The following CDKAL1 variants were observed in gnomAD, a reference collection of about 807,000 sequenced individuals.
CDKAL1 encodes the protein CDKAL1 threonylcarbamoyladenosine tRNA methylthiotransferase.
In CDKAL1, 32 loss-of-function variants were observed where a neutral mutation model predicts 68.2. The ratio of observed to expected loss-of-function variants is 0.47; its 90% CI spans 0.35 to 0.63. The LOEUF (loss-of-function observed/expected upper bound fraction) is 0.63. Among genes scored for constraint, CDKAL1 ranks in the 30% least tolerant of loss-of-function variants. CDKAL1 has a pLI of 0.00. For synonymous variants in CDKAL1, 234 were observed against 244.3 expected, an observed-to-expected ratio of 0.96 and a Z score of 0.39; for missense variants, 606 against 696.7, an observed-to-expected ratio of 0.87 and a Z score of 1.47.
intron 9 of CDKAL1, among the ~76,000 whole-genome samples, chr6:20,925,103 C>G (rs922009873): frequency 2.0e-5 from 3 of 152,174 alleles, no homozygotes; most frequent in Non-Finnish European, 4.4e-5. Context: ...CCATGGGCAT[C>G]CCAACCTTCA....
intron 9 of CDKAL1, among the ~76,000 whole-genome samples, chr6:20,899,002 A>G (rs551667452): frequency 6.6e-6 from 1 of 151,830 alleles, no homozygotes; most frequent in South Asian, 2.1e-4. Flanking sequence ...TTATATGACT[A>G]ACTCTAGTGA....
At chr6:20,727,888 A>G (rs959759010) in intron 5 of CDKAL1, among the ~76,000 whole-genome samples, 4 of 152,118 alleles carry the variant, frequency 2.6e-5, no homozygotes, top group African/African-American at 9.7e-5. Context: ...TCCTATTTGA[A>G]CTCAGAACAT....
chr6:20,999,015 A>T (rs1188638281), intron 10 of CDKAL1, among the ~76,000 whole-genome samples: 3 of 152,226 alleles, frequency 2.0e-5, no homozygotes, highest in African/African-American at 4.8e-5. Flanking sequence ...GCTGAGAGGT[A>T]ACTGGACGGA....
chr6:20,680,846 A>G (rs1326746555), intron 5 of CDKAL1, among the ~76,000 whole-genome samples: 1 of 152,222 alleles, frequency 6.6e-6, no homozygotes, highest in African/African-American at 2.4e-5. Context: ...CAAGGCAAGG[A>G]ATTTATAACA....
At chr6:20,739,259 T>C (rs777347913) in intron 5 of CDKAL1, among the ~76,000 whole-genome samples, 2 of 150,986 alleles carry the variant, frequency 1.3e-5, no homozygotes, top group African/African-American at 2.4e-5. Flanking sequence ...AAGTAAAAAA[T>C]AATGAATTTT....
At chr6:20,798,769 G>A (rs1383323713) in intron 8 of CDKAL1, among the ~76,000 whole-genome samples, 1 of 141,962 alleles carries the variant, frequency 7.0e-6, no homozygotes, top group Non-Finnish European at 1.5e-5. Context: ...GTAATGGGAT[G>A]GGGGGAGGGG....
At chr6:21,145,078 CAT>C (rs1776102975) in intron 13 of CDKAL1, among the ~76,000 whole-genome samples, 2 of 152,224 alleles carry the variant, frequency 1.3e-5, no homozygotes, top group Admixed American at 1.3e-4. Context: ...ATGTCTTACA[CAT>C]GTTTCTAGGA....
chr6:20,762,111 T>C (rs191980574), intron 7 of CDKAL1, among the ~76,000 whole-genome samples: 47 of 152,294 alleles, frequency 3.1e-4, no homozygotes, highest in African/African-American at 1.1e-3. Context: ...AAATTAATGG[T>C]AATTAACAGT....
intron 5 of CDKAL1, among the ~76,000 whole-genome samples, chr6:20,677,150 A>G (rs746703234): frequency 7.3e-5 from 11 of 151,014 alleles, no homozygotes; most frequent in African/African-American, 2.4e-4. Context: ...GGCTCACTGC[A>G]ACCTCTGCCT....
At chr6:20,649,028 A>G (rs1337224167) in intron 4 of CDKAL1, among the ~76,000 whole-genome samples, 2 of 152,218 alleles carry the variant, frequency 1.3e-5, no homozygotes, top group Non-Finnish European at 2.9e-5. Context: ...AAATTATTAG[A>G]TAGTACTGTC....
chr6:20,722,023 G>A (rs1383274001), intron 5 of CDKAL1, among the ~76,000 whole-genome samples: 1 of 152,020 alleles, frequency 6.6e-6, no homozygotes, highest in Non-Finnish European at 1.5e-5. Context: ...GAGCCACCGT[G>A]CCTGGCCCGA....
At chr6:21,051,834 C>T (rs1260926891) in intron 11 of CDKAL1, among the ~76,000 whole-genome samples, 1 of 152,190 alleles carries the variant, frequency 6.6e-6, no homozygotes, top group Non-Finnish European at 1.5e-5. Flanking sequence ...TTAATCTTAT[C>T]TATGAATACT....
chr6:21,213,543 C>A (rs1025232036), intron 15 of CDKAL1, among the ~76,000 whole-genome samples: 3 of 152,140 alleles, frequency 2.0e-5, no homozygotes, highest in African/African-American at 7.2e-5. Flanking sequence ...TTCAGTTCCC[C>A]CTTTTCACTG....
At chr6:20,617,870 A>G (rs1432546727) in intron 4 of CDKAL1, among the ~76,000 whole-genome samples, 4 of 152,206 alleles carry the variant, frequency 2.6e-5, no homozygotes, top group East Asian at 3.8e-4. Context: ...TAGTGCCGCA[A>G]TAAACATACA....
chr6:20,837,416 A>T (rs1777993505), intron 8 of CDKAL1, among the ~76,000 whole-genome samples: 1 of 152,012 alleles, frequency 6.6e-6, no homozygotes, highest in Non-Finnish European at 1.5e-5. Flanking sequence ...TTCCTGTGAG[A>T]TTTCACCTCA....
intron 5 of CDKAL1, among the ~76,000 whole-genome samples, chr6:20,655,295 G>A (rs1251148166): frequency 6.6e-6 from 1 of 152,196 alleles, no homozygotes; most frequent in South Asian, 2.1e-4. Flanking sequence ...TTGTGTGTAA[G>A]GAAGAGTATA....
chr6:20,693,897 A>G (rs1770983127), intron 5 of CDKAL1, among the ~76,000 whole-genome samples: 4 of 150,850 alleles, frequency 2.7e-5, no homozygotes, highest in African/African-American at 7.3e-5. Flanking sequence ...TTTTAAGACA[A>G]GATCTCTCTG....
intron 13 of CDKAL1, among the ~76,000 whole-genome samples, chr6:21,142,709 A>G (rs1775979768): frequency 6.6e-6 from 1 of 152,244 alleles, no homozygotes; most frequent in South Asian, 2.1e-4. Flanking sequence ...TAGGAGAAAA[A>G]GAGAAGTACA....
intron 12 of CDKAL1, among the ~76,000 whole-genome samples, chr6:21,106,040 T>G (rs931570074): frequency 6.6e-6 from 1 of 152,176 alleles, no homozygotes; most frequent in Non-Finnish European, 1.5e-5. Flanking sequence ...TGATGCAATA[T>G]TTGTGAGGAG....
Sources: gnomAD v4.1 joint callset for allele counts (sites outside exome capture counted in the v4.1 genomes callset) on GRCh38, gnomAD v4.1.1 for gene constraint, MANE v1.5 for transcripts, NCBI Gene and HGNC (gene_info 2026-07-23, HGNC 2026-07-21) for gene names.